Variants in FAM83B observed in about 807,000 individuals in gnomAD.
FAM83B encodes the protein protein FAM83B.
FAM83B carries 26 observed loss-of-function variants against 38.8 expected under a neutral mutation model. The ratio of observed to expected loss-of-function variants is 0.67; its 90% CI spans 0.49 to 0.93. FAM83B has a LOEUF of 0.93. Among genes scored for constraint, FAM83B ranks in the 40% least tolerant of loss-of-function variants. The pLI is 0.00. For synonymous variants in FAM83B, 419 were observed against 423.1 expected (o/e 0.99, Z 0.12); for missense variants, 1,237 against 1,197.3 (o/e 1.03, Z -0.49).
intron 1 of FAM83B, among the ~76,000 whole-genome samples, chr6:54,854,819 C>T (rs1223531702): frequency 2.0e-5 from 3 of 152,074 alleles, no homozygotes; most frequent in Non-Finnish European, 2.9e-5. Flanking sequence ...TTTCTAGTAG[C>T]TAAAATATAA....
chr6:54,917,865 G>A (rs956953728), intron 2 of FAM83B, among the ~76,000 whole-genome samples: 9 of 152,028 alleles, frequency 5.9e-5, no homozygotes, highest in Admixed American at 6.5e-5. Context: ...TCCACCCGAA[G>A]CCCTCTCTCT....
intron 2 of FAM83B, among the ~76,000 whole-genome samples, chr6:54,893,604 A>C (rs1342198134): frequency 6.6e-6 from 1 of 152,180 alleles, no homozygotes; most frequent in Non-Finnish European, 1.5e-5. Context: ...TATGTCCAAC[A>C]TACATGAACC....
Position 54,941,341 on chromosome 6 carries a change from C to A in FAM83B, c.2370C>A (p.Ser790=). 2 of 1,612,710 alleles carry A rather than the reference C, an allele frequency of 1.2e-6. No individual in the cohort carries two copies. Among genetic ancestry groups the A allele is most frequent in the Non-Finnish European group, 1.7e-6 (2 of 1,179,698 alleles). The part of the protein sequence containing the change: ...SLTPDKKENL[S]KNKAPAFYRL... ...CCCCAGATAAGAAAGAAAATCTATC[C>A]AAAAATAAAGCACCTGCCTTTTATA... Residue 790 remains serine (S), a synonymous_variant, in exon 5 of 5, where the codon TCC becomes TCA. Coordinates refer to ENST00000306858, the MANE Select transcript of FAM83B (RefSeq NM_001010872.3).
chr6:54,919,622 G>A lies in FAM83B; in HGVS notation c.445-6749G>A, dbSNP rs534057219. 2.6e-5 allele frequency among the ~76,000 whole-genome samples: 4 copies of A among 152,014 alleles called. No individual in the cohort carries two copies. In the South Asian group the frequency reaches 8.3e-4, roughly 32 times the overall value. On this transcript the variant is annotated intron_variant, in intron 2 of 4. Coordinates refer to ENST00000306858, the MANE Select transcript of FAM83B (RefSeq NM_001010872.3). Reference sequence around the variant, plus strand: ...ATTATTTACAAAGTCTAGATAATTAGGATTATAAGTTTCAGGTCTTGTTTG... The same window carrying A: ...ATTATTTACAAAGTCTAGATAATTAAGATTATAAGTTTCAGGTCTTGTTTG...
rs1320436110 is a variant in FAM83B at position 54,942,537 on chromosome 6, G to A, written c.*530G>A. On this transcript the variant is annotated 3_prime_UTR_variant, in exon 5 of 5. Coordinates refer to ENST00000306858, the MANE Select transcript of FAM83B (RefSeq NM_001010872.3). ...TCATTGTACAGCTGTTTGGGCAACA[G>A]CAGTACCTTTTACATTTTTTATTTT... Among the ~76,000 whole-genome samples the A allele has an allele frequency of 3.3e-5, 5 of 151,976 alleles. No individual in the cohort carries two copies. Among genetic ancestry groups the A allele is most frequent in the Admixed American group, 3.3e-4 (5 of 15,240 alleles).
chr6:54,939,676 T>C (rs1773609391), intron 4 of FAM83B, 30 bp from the exon 5 acceptor site: 2 of 1,527,710 alleles, frequency 1.3e-6, no homozygotes, highest in South Asian at 2.6e-5. Context: ...ATCTTTTAAA[T>C]GATTAAAATT....
intron 1 of FAM83B, among the ~76,000 whole-genome samples, chr6:54,850,643 G>A (rs1218091429): frequency 6.6e-6 from 1 of 152,106 alleles, no homozygotes; most frequent in Non-Finnish European, 1.5e-5. Context: ...TATACACACT[G>A]GCAATGATGG....
chr6:54,930,457 A>G (rs1237030196), intron 4 of FAM83B, among the ~76,000 whole-genome samples: 1 of 152,030 alleles, frequency 6.6e-6, no homozygotes, highest in African/African-American at 2.4e-5. Flanking sequence ...TTGATCCATG[A>G]TTTCTTAAAT....
chr6:54,888,069 C>T (rs1216305195), intron 2 of FAM83B, among the ~76,000 whole-genome samples: 1 of 145,094 alleles, frequency 6.9e-6, no homozygotes, highest in African/African-American at 2.5e-5. Flanking sequence ...ATTCAGTTTC[C>T]TCATTTATGA....
intron 2 of FAM83B, among the ~76,000 whole-genome samples, chr6:54,917,573 G>T (rs979374882): frequency 2.6e-5 from 4 of 151,988 alleles, no homozygotes; most frequent in Non-Finnish European, 5.9e-5. Context: ...TTGCCTTCTT[G>T]TTCAGAATTT....
At chr6:54,905,408 A>G (rs983425653) in intron 2 of FAM83B, among the ~76,000 whole-genome samples, 2 of 152,226 alleles carry the variant, frequency 1.3e-5, no homozygotes, top group African/African-American at 4.8e-5. Context: ...ATCAGGTACA[A>G]TGTGAAGTTT....
At position 54,940,184 on chromosome 6, in the gene FAM83B, G is replaced by C; in HGVS notation, c.1213G>C (p.Ala405Pro). The stretch of plus-strand genomic sequence containing the variant: ...AGTGCCATACCTCCTGCTTAATAGG[G>C]CTCTGAATAGAACCAATAATCCACC... ...ETVPYLLLNR[A>P]LNRTNNPPGN... is the part of the protein sequence containing the mutation. Residue 405 changes from alanine (A) to proline (P), a missense_variant, in exon 5 of 5, where the codon GCT becomes CCT. Ala to Pro is a conservative substitution (Grantham distance 27). Coordinates refer to ENST00000306858, the MANE Select transcript of FAM83B (RefSeq NM_001010872.3). The C allele has an allele frequency of 6.2e-7, 1 of 1,614,024 alleles. No homozygotes were observed. Among genetic ancestry groups the C allele is most frequent in the Non-Finnish European group, 8.5e-7 (1 of 1,179,986 alleles).
intron 4 of FAM83B, among the ~76,000 whole-genome samples, chr6:54,939,338 A>G (rs969636980): frequency 6.6e-6 from 1 of 152,134 alleles, no homozygotes; most frequent in Non-Finnish European, 1.5e-5. Context: ...TGCTTTGGCT[A>G]TGCAGGCTCT....
In FAM83B at chr6:54,936,759, T is replaced by C. The variant is rs1773532606; in HGVS notation, c.735-2947T>C. ...ACTGGGAATCTAGTCTTTATCAAAA[T>C]ATTGCAGAACTTCACTTTCTTCATG... On this transcript the variant is annotated intron_variant, in intron 4 of 4. Coordinates refer to ENST00000306858, the MANE Select transcript of FAM83B (RefSeq NM_001010872.3). Among the ~76,000 whole-genome samples the C allele has an allele frequency of 2.6e-5, 4 of 151,716 alleles. No individual in the cohort carries two copies. In the Admixed American group the frequency reaches 2.6e-4, roughly 10 times the overall value.
intron 1 of FAM83B, among the ~76,000 whole-genome samples, chr6:54,855,325 T>A (rs1226775023): frequency 6.6e-6 from 1 of 152,210 alleles, no homozygotes; most frequent in Non-Finnish European, 1.5e-5. Context: ...GGAGATCACT[T>A]ATACATATAA....
At chr6:54,902,058 G>A (rs1454334665) in intron 2 of FAM83B, among the ~76,000 whole-genome samples, 1 of 151,992 alleles carries the variant, frequency 6.6e-6, no homozygotes, top group Non-Finnish European at 1.5e-5. Context: ...TGAAGGGATT[G>A]GTGTATTGGG....
At chr6:54,887,182 TA>T (rs34829761) in intron 2 of FAM83B, among the ~76,000 whole-genome samples, 98,063 of 151,994 alleles carry the variant, frequency 0.65, 33,574 homozygotes, top group East Asian at 0.89. Flanking sequence ...AACATGACTT[TA>T]GAACTTCATG....
Position 54,941,291 on chromosome 6 carries a change from A to G in FAM83B, c.2320A>G (p.Lys774Glu), listed in dbSNP as rs971428712. The G allele has an allele frequency of 6.2e-7, 1 of 1,610,714 alleles. No individual in the cohort carries two copies. The highest frequency in any genetic ancestry group is 1.1e-5 in the South Asian group (1 of 90,216). The change falls in exon 5 of 5, where the codon AAG (lysine) becomes GAG (glutamate). Residue 774 changes from lysine (K) to glutamate (E), a missense_variant. Physicochemically the swap from Lys to Glu is moderately conservative, Grantham distance 56. Coordinates refer to ENST00000306858, the MANE Select transcript of FAM83B (RefSeq NM_001010872.3). The stretch of plus-strand genomic sequence containing the variant: ...AAGTTTTTTGAAAAAGGGGTCTCAG[A>G]AGTTAAGGTCATTACTTAGCCTTAC... ...SPSFLKKGSQ[K>E]LRSLLSLTPD...
chr6:54,941,237 G>A lies in FAM83B; in HGVS notation c.2266G>A (p.Ala756Thr), dbSNP rs1198487134. ...VNKEESNKEL[A>T]SKKEVKGSPS... ...TAAAGAGGAATCTAACAAAGAACTTGCTTCAAAGAAGGAAGTTAAGGGTTC... is the reference window on the plus strand; with the variant it reads ...TAAAGAGGAATCTAACAAAGAACTTACTTCAAAGAAGGAAGTTAAGGGTTC... Residue 756 changes from alanine to threonine, a missense_variant, in exon 5 of 5, where the codon GCT becomes ACT. Transcript: ENST00000306858. The A allele has an allele frequency of 6.2e-7, 1 of 1,613,328 alleles. No homozygotes were observed. Among genetic ancestry groups the A allele is most frequent in the South Asian group, 1.1e-5 (1 of 90,784 alleles).
Sources: gnomAD v4.1 joint callset for allele counts (sites outside exome capture counted in the v4.1 genomes callset) on GRCh38, gnomAD v4.1.1 for gene constraint, MANE v1.5 for transcripts, NCBI Gene and HGNC (gene_info 2026-07-23, HGNC 2026-07-21) for gene names.